CCDC68: variants seen among roughly 807,000 people sequenced by gnomAD.
CCDC68 encodes coiled-coil domain-containing protein 68.
CCDC68 carries 45 observed loss-of-function variants against 47.1 expected under a neutral mutation model. That is an observed-to-expected ratio of 0.96 (90% CI 0.75 to 1.23). The LOEUF (loss-of-function observed/expected upper bound fraction) is 1.23. CCDC68 is among the 50% of genes most tolerant of loss of function. CCDC68 has a pLI of 0.00. For synonymous variants in CCDC68, 131 were observed against 129.5 expected (o/e 1.01, Z -0.08); for missense variants, 353 against 373.6 (o/e 0.94, Z 0.45).
At chr18:54,958,977 T>C (rs1021213867) in intron 1 of CCDC68, among the ~76,000 whole-genome samples, 1 of 152,168 alleles carries the variant, frequency 6.6e-6, no homozygotes, top group Admixed American at 6.5e-5. Context: ...CCGCAGGACT[T>C]TTCTCCATAG....
chr18:54,957,568 C>T (rs980435885), intron 1 of CCDC68, among the ~76,000 whole-genome samples: 21 of 151,950 alleles, frequency 1.4e-4, no homozygotes, highest in African/African-American at 5.1e-4. Context: ...CATGAATAGG[C>T]CCACAAATTT....
rs770617307 is a variant in CCDC68 at position 54,904,382 on chromosome 18, T to A, written c.984A>T (p.Leu328Phe). Residue 328 changes from leucine (L) to phenylalanine (F), a missense_variant, in exon 12 of 12, where the codon TTA becomes TTT. Transcript: ENST00000591504. ...TTCATTTCCGTAACCTAATCAACAT[T>A]AAATAAGGGGAAACACCTTCGGTCT... ...ELKTEGVSPY[L>F]MLIRLRK is the part of the protein sequence containing the mutation. The A allele has an allele frequency of 1.2e-6, 2 of 1,613,496 alleles. No individual in the cohort carries two copies. Among genetic ancestry groups the A allele is most frequent in the South Asian group, 2.2e-5 (2 of 91,056 alleles).
At chr18:54,943,625 G>T (rs764400612) in intron 2 of CCDC68, among the ~76,000 whole-genome samples, 67 of 151,962 alleles carry the variant, frequency 4.4e-4, no homozygotes, top group Non-Finnish European at 5.0e-4. Flanking sequence ...ATTTATCCCT[G>T]GTGTGCTATA....
intron 4 of CCDC68, among the ~76,000 whole-genome samples, chr18:54,940,176 C>T (rs1396057082): frequency 6.6e-6 from 1 of 152,114 alleles, no homozygotes; most frequent in Non-Finnish European, 1.5e-5. Flanking sequence ...CCTCAAATGC[C>T]CAAAATCTCT....
intron 6 of CCDC68, among the ~76,000 whole-genome samples, chr18:54,936,192 A>G: frequency 6.9e-6 from 1 of 144,608 alleles, no homozygotes; most frequent in South Asian, 2.1e-4. Flanking sequence ...AGATAAATAT[A>G]TATAATTATT....
intron 1 of CCDC68, among the ~76,000 whole-genome samples, chr18:54,950,433 C>T (rs144216245): frequency 2.5e-3 from 375 of 150,182 alleles, no homozygotes; most frequent in Non-Finnish European, 4.8e-3. Context: ...TGTCAGCTGG[C>T]TAAATCTCAG....
chr18:54,942,616 A>G, intron 3 of CCDC68, 59 bp downstream of exon 3: 1 of 1,019,452 alleles, frequency 9.8e-7, no homozygotes, highest in Non-Finnish European at 1.5e-6. Flanking sequence ...CCTCCAGCCC[A>G]TATTGGAATT....
chr18:54,954,826 C>T (rs146534546), intron 1 of CCDC68: 2 of 152,092 alleles, frequency 1.3e-5, no homozygotes, highest in Non-Finnish European at 2.9e-5. Flanking sequence ...ATTACTCCAT[C>T]CAATCACAAA....
intron 1 of CCDC68, among the ~76,000 whole-genome samples, chr18:54,956,520 A>C (rs1198114475): frequency 6.6e-6 from 1 of 152,232 alleles, no homozygotes; most frequent in African/African-American, 2.4e-5. Flanking sequence ...AGAAAGGTCT[A>C]CCAAATGGTG....
intron 3 of CCDC68, 31 bp from the exon 4 acceptor site, chr18:54,941,114 A>G: frequency 1.3e-6 from 2 of 1,535,306 alleles, no homozygotes; most frequent in Non-Finnish European, 1.8e-6. Context: ...CATTTGTTTC[A>G]AAGGCATTTA....
chr18:54,939,852 T>C (rs2044407479), intron 4 of CCDC68, among the ~76,000 whole-genome samples: 1 of 151,996 alleles, frequency 6.6e-6, no homozygotes, highest in Admixed American at 6.5e-5. Flanking sequence ...TCATCAGCCC[T>C]CTGGCCTTGT....
intron 1 of CCDC68, among the ~76,000 whole-genome samples, chr18:54,946,620 G>A (rs1051073635): frequency 1.0e-3 from 154 of 152,034 alleles, no homozygotes; most frequent in African/African-American, 3.6e-3. Flanking sequence ...AAATTGCATC[G>A]GGCCTTATGT....
rs566419018 is a variant in CCDC68 at position 54,949,081 on chromosome 18, C to T, written c.-102-3604G>A. On this transcript the variant is annotated intron_variant, in intron 1 of 11. Coordinates refer to ENST00000591504, the MANE Select transcript of CCDC68 (RefSeq NM_025214.3). ...TGATCTCTGCTTACTTCAACCTCTA[C>T]TTCCTGGGTTCCAGTGATTCTCGTG... Among the ~76,000 whole-genome samples, 9 of 152,360 alleles carry T rather than the reference C, an allele frequency of 5.9e-5. No individual in the cohort carries two copies. In the East Asian group the frequency reaches 1.2e-3, roughly 20 times the overall value.
intron 1 of CCDC68, among the ~76,000 whole-genome samples, chr18:54,951,755 G>A (rs2145645195): frequency 6.6e-6 from 1 of 152,308 alleles, no homozygotes; most frequent in South Asian, 2.1e-4. Context: ...AACAGATGTT[G>A]TTGTCCCAGT....
Position 54,929,031 on chromosome 18 carries a change from AT to A in CCDC68, c.601-150del, listed in dbSNP as rs958996461. 141 of 625,378 alleles carry A rather than the reference AT, an allele frequency of 2.3e-4. No individual in the cohort carries two copies. In the African/African-American group the frequency reaches 2.3e-3, roughly 10 times the overall value. 38.7% of individuals were successfully genotyped at this position (625,378 alleles called of 1,614,324 possible). A position where few individuals can be genotyped will look rare whatever the true frequency, so the allele number is the denominator to read the frequency against. ...CATCTTCAAGGAAACCTGGCCAAGT[AT>A]TCTCCTGTGTGCTTTGCACATAGTT... On this transcript the variant is annotated intron_variant, in intron 7 of 11. Transcript: ENST00000591504.
intron 4 of CCDC68, among the ~76,000 whole-genome samples, chr18:54,939,183 C>T (rs2044396847): frequency 6.6e-6 from 1 of 152,132 alleles, no homozygotes; most frequent in Non-Finnish European, 1.5e-5. Flanking sequence ...GTAACTCTGT[C>T]ACAGTTTTGT....
chr18:54,936,826 T>G lies in CCDC68; in HGVS notation c.471+7A>C, dbSNP rs751139197. On this transcript the variant is annotated splice_region_variant and intron_variant, in intron 6 of 11. Transcript: ENST00000591504. ...GTTCTCCAATAGACAAGCTGCATGT[T>G]TGGTACCTGGAGTAATTGTTTACTG... 1 of 1,614,046 alleles carries G rather than the reference T, an allele frequency of 6.2e-7. No individual in the cohort carries two copies. Among genetic ancestry groups the G allele is most frequent in the South Asian group, 1.1e-5 (1 of 91,048 alleles).
intron 7 of CCDC68, among the ~76,000 whole-genome samples, chr18:54,930,080 A>T (rs1182595272): frequency 6.6e-6 from 1 of 152,222 alleles, no homozygotes; most frequent in Non-Finnish European, 1.5e-5. Flanking sequence ...ACATAATCCC[A>T]AAGGTTATGA....
chr18:54,912,320 G>A (rs566126255), intron 10 of CCDC68, among the ~76,000 whole-genome samples: 8 of 152,122 alleles, frequency 5.3e-5, no homozygotes, highest in African/African-American at 1.2e-4. Context: ...AAATAATTTC[G>A]GTAGAGTTAA....
Sources: gnomAD v4.1 joint callset for allele counts (sites outside exome capture counted in the v4.1 genomes callset) on GRCh38, gnomAD v4.1.1 for gene constraint, MANE v1.5 for transcripts, NCBI Gene and HGNC (gene_info 2026-07-23, HGNC 2026-07-21) for gene names.